Variants in RBM19 observed in about 807,000 individuals in gnomAD.
RBM19 encodes probable RNA-binding protein 19.
A neutral mutation model predicts 116.8 loss-of-function variants in RBM19; 94 were observed. The observed-to-expected ratio is 0.80, with a 90% CI of 0.68 to 0.95. The LOEUF (loss-of-function observed/expected upper bound fraction) is 0.95. Among genes scored for constraint, RBM19 ranks in the 40% least tolerant of loss-of-function variants. RBM19 has a pLI of 0.00. For missense variants in RBM19, 1,161 were observed against 1,220.7 expected, an observed-to-expected ratio of 0.95 and a Z score of 0.73; for synonymous variants, 475 against 494.1, an observed-to-expected ratio of 0.96 and a Z score of 0.51.
At chr12:113,896,480 G>C (rs1881333846) in intron 21 of RBM19, among the ~76,000 whole-genome samples, 1 of 152,228 alleles carries the variant, frequency 6.6e-6, no homozygotes, top group South Asian at 2.1e-4. Context: ...ACCAGCTCTT[G>C]CCAGGAACAC....
intron 23 of RBM19, among the ~76,000 whole-genome samples, chr12:113,829,444 T>C (rs1457542231): frequency 6.6e-6 from 1 of 152,218 alleles, no homozygotes. Flanking sequence ...TTCCCACCTG[T>C]TAAACGGGGA....
rs147005834 is a variant in RBM19, at chr12:113,855,626, G to C, written c.2664+3165C>G. Among the ~76,000 whole-genome samples the C allele has an allele frequency of 8.3e-4, 127 of 152,286 alleles. 1 individual carries two copies. The highest frequency in any genetic ancestry group is 2.9e-3 in the African/African-American group (122 of 41,566). On this transcript the variant is annotated intron_variant, in intron 22 of 23. Transcript: ENST00000261741. ...TCTCCTTCCCTAAGAGCTTCAACAG[G>C]GGGAGGATGCACAGGAGCCGGCCCT...
intron 1 of RBM19, 77 bp downstream of exon 1, chr12:113,966,115 C>T (rs1191962459): frequency 2.5e-6 from 4 of 1,589,564 alleles, no homozygotes; most frequent in East Asian, 2.2e-5. Flanking sequence ...CTTCGATCAC[C>T]TCCAGGCATC....
chr12:113,873,622 T>C (rs1035196170), intron 21 of RBM19, among the ~76,000 whole-genome samples: 1 of 130,090 alleles, frequency 7.7e-6, no homozygotes, highest in African/African-American at 2.9e-5. Context: ...CCTCCACTAT[T>C]GTCCCATGAC....
intron 21 of RBM19, among the ~76,000 whole-genome samples, chr12:113,914,095 CA>C (rs1339652688): frequency 6.6e-6 from 1 of 152,246 alleles, no homozygotes; most frequent in Non-Finnish European, 1.5e-5. Context: ...TAGGGATCAC[CA>C]ACTAGGGGCC....
intron 20 of RBM19, 25 bp downstream of exon 20, chr12:113,918,367 G>C: frequency 6.2e-7 from 1 of 1,613,910 alleles, no homozygotes; most frequent in Non-Finnish European, 8.5e-7. Flanking sequence ...TCGTAGGAAA[G>C]GAAATGAGGA....
intron 22 of RBM19, among the ~76,000 whole-genome samples, chr12:113,849,346 G>A (rs1297933205): frequency 1.3e-5 from 2 of 152,250 alleles, no homozygotes; most frequent in Admixed American, 6.5e-5. Flanking sequence ...CCTTCACTGG[G>A]TGTCTTGAGA....
At chr12:113,925,512 G>C (rs1868988479) in intron 17 of RBM19, among the ~76,000 whole-genome samples, 1 of 152,220 alleles carries the variant, frequency 6.6e-6, no homozygotes. Context: ...CTCACTCAGG[G>C]TCACATCATT....
chr12:113,905,243 T>C (rs1881961485), intron 21 of RBM19, among the ~76,000 whole-genome samples: 1 of 152,214 alleles, frequency 6.6e-6, no homozygotes, highest in Non-Finnish European at 1.5e-5. Flanking sequence ...AGGTTGGTAT[T>C]GGCATGGGGG....
chr12:113,924,639 T>C (rs1035589317), intron 18 of RBM19, 58 bp downstream of exon 18: 66 of 1,443,542 alleles, frequency 4.6e-5, no homozygotes, highest in Non-Finnish European at 6.0e-5. Flanking sequence ...GGAGCTTCTT[T>C]TGGAATCCAC....
chr12:113,827,906 G>A (rs879498991), intron 23 of RBM19, among the ~76,000 whole-genome samples: 8 of 151,928 alleles, frequency 5.3e-5, no homozygotes, highest in Non-Finnish European at 1.2e-4. Context: ...ACACGCCTAG[G>A]GTGTGTGAGG....
At chr12:113,880,629 T>C (rs1027846786) in intron 21 of RBM19, among the ~76,000 whole-genome samples, 11 of 152,126 alleles carry the variant, frequency 7.2e-5, no homozygotes, top group Admixed American at 6.5e-5. Flanking sequence ...CCCCCTGCCT[T>C]GGTCTCTGCT....
chr12:113,820,662 G>A (rs1447538172), downstream of RBM19, among the ~76,000 whole-genome samples: 3 of 152,048 alleles, frequency 2.0e-5, no homozygotes, highest in African/African-American at 4.8e-5. Context: ...TCTGGTGGGC[G>A]CGGCATGAAG....
chr12:113,943,311 G>A (rs568734456), intron 13 of RBM19, among the ~76,000 whole-genome samples: 42 of 152,220 alleles, frequency 2.8e-4, no homozygotes, highest in African/African-American at 9.4e-4. Context: ...CAGAGTACTC[G>A]GGGGATCTGA....
chr12:113,945,753 T>C (rs558397726), intron 13 of RBM19, 75 bp downstream of exon 13: 38 of 1,273,534 alleles, frequency 3.0e-5, no homozygotes, highest in African/African-American at 4.5e-5. Context: ...CCAACAGCAG[T>C]ACAACGAGCC....
At chr12:113,828,246 A>G (rs558047597) in intron 23 of RBM19, among the ~76,000 whole-genome samples, 99 of 152,300 alleles carry the variant, frequency 6.5e-4, no homozygotes, top group African/African-American at 2.3e-3. Flanking sequence ...GAGATGCTAC[A>G]TAAGAATCTG....
chr12:113,912,138 G>T (rs1406565317), intron 21 of RBM19, among the ~76,000 whole-genome samples: 1 of 152,188 alleles, frequency 6.6e-6, no homozygotes. Flanking sequence ...GGTGGCCTCC[G>T]GGAAGGGCCC....
intron 1 of RBM19, among the ~76,000 whole-genome samples, chr12:113,962,909 G>A (rs1031107589): frequency 2.0e-5 from 3 of 152,200 alleles, no homozygotes; most frequent in East Asian, 1.9e-4. Context: ...TGGAGATGGG[G>A]AGATGATCTG....
At chr12:113,886,562 C>T (rs1375979144) in intron 21 of RBM19, among the ~76,000 whole-genome samples, 2 of 152,246 alleles carry the variant, frequency 1.3e-5, no homozygotes, top group Non-Finnish European at 2.9e-5. Flanking sequence ...TACTCCTGTG[C>T]TAGATAAAGG....
Sources: gnomAD v4.1 joint callset for allele counts (sites outside exome capture counted in the v4.1 genomes callset) on GRCh38, gnomAD v4.1.1 for gene constraint, MANE v1.5 for transcripts, NCBI Gene and HGNC (gene_info 2026-07-23, HGNC 2026-07-21) for gene names.